MS4A4E: variants seen among roughly 807,000 people sequenced by gnomAD.
MS4A4E encodes the protein putative membrane-spanning 4-domains subfamily A member 4E.
In MS4A4E, 23 loss-of-function variants were observed where a neutral mutation model predicts 13.3. That is an observed-to-expected ratio of 1.73 (90% confidence interval 1.25 to 2.45). The LOEUF (loss-of-function observed/expected upper bound fraction) is 2.45. MS4A4E is among the 30% of genes most tolerant of loss of function. MS4A4E has a pLI of 0.00. For synonymous variants in MS4A4E, 36 were observed against 45.6 expected, an observed-to-expected ratio of 0.79 and a Z score of 0.85; for missense variants, 144 against 131.2, an observed-to-expected ratio of 1.10 and a Z score of -0.48.
chr11:60,219,148 A>C lies in MS4A4E; in HGVS notation c.179-4534T>G, dbSNP rs191192233. ...CATCCCAGCTGGGAGGGTTCAGAAGATATACCCTTGACCAGTACTTTGTGA... is the reference window on the plus strand; with the variant it reads ...CATCCCAGCTGGGAGGGTTCAGAAGCTATACCCTTGACCAGTACTTTGTGA... On this transcript the variant is annotated intron_variant, in intron 3 of 8. Transcript: ENST00000651255. Among the ~76,000 whole-genome samples the C allele has an allele frequency of 3.9e-4, 60 of 152,300 alleles. No homozygotes were observed. The East Asian group carries it at 8.1e-3, about 21-fold the overall frequency.
rs2084568823 is a variant in MS4A4E, at chr11:60,242,939, G to T, written c.-17+19C>A. The T allele has an allele frequency of 3.9e-6, 6 of 1,551,508 alleles. No homozygotes were observed. The Admixed American group carries it at 8.5e-5, about 22-fold the overall frequency. ...AACTATCAGTCCGAGAGCCTAGGAA[G>T]GCAAGTCCCTGGACCTACCTTTCTT... On this transcript the variant is annotated intron_variant, in intron 1 of 8. Transcript: ENST00000651255.
rs1590698425 is a variant in MS4A4E, at chr11:60,200,644, A to T, written c.*899T>A. Among the ~76,000 whole-genome samples, 1 of 152,254 alleles carries T rather than the reference A, an allele frequency of 6.6e-6. No homozygotes were observed. The highest frequency in any genetic ancestry group is 2.1e-4 in the South Asian group (1 of 4,824). ...ATCAACAGGATCCCAAGGCAGAAGA[A>T]TTTTTCTTAGTACAGAACAAAATGA... On this transcript the variant is annotated 3_prime_UTR_variant, in exon 9 of 9. Transcript: ENST00000651255.
intron 4 of MS4A4E, 25 bp from the exon 5 acceptor site, chr11:60,213,157 A>C (rs538116743): frequency 7.1e-6 from 6 of 840,258 alleles, no homozygotes; most frequent in African/African-American, 6.9e-5. Context: ...AAATTAATTA[A>C]GCAATCCAAC....
At chr11:60,235,805 C>T (rs2084476061) in intron 1 of MS4A4E, among the ~76,000 whole-genome samples, 1 of 152,084 alleles carries the variant, frequency 6.6e-6, no homozygotes, top group African/African-American at 2.4e-5. Context: ...TATTTTATCT[C>T]TTTGCTCTAT....
chr11:60,230,928 T>C (rs1034840062), intron 1 of MS4A4E, among the ~76,000 whole-genome samples: 1 of 152,138 alleles, frequency 6.6e-6, no homozygotes, highest in African/African-American at 2.4e-5. Flanking sequence ...CAGTGGAGCA[T>C]ATATGCTAAA....
At chr11:60,225,094 C>G (rs1235421360) in intron 3 of MS4A4E, 1 of 1,528,454 alleles carries the variant, frequency 6.5e-7, no homozygotes, top group Non-Finnish European at 8.8e-7. Context: ...TCCGCACAAC[C>G]TAGAAATGAT....
In MS4A4E at chr11:60,230,138, G is replaced by C; in HGVS notation, c.-16-67C>G. The C allele has an allele frequency of 2.0e-6, 3 of 1,480,242 alleles. No individual in the cohort carries two copies. The South Asian group carries it at 4.4e-5, about 22-fold the overall frequency. The allele number at this position is 1,480,242 out of a possible 1,614,324, so 91.7% of individuals were successfully genotyped here. A position where few individuals can be genotyped will look rare whatever the true frequency, so the allele number is the denominator to read the frequency against. On this transcript the variant is annotated intron_variant, in intron 1 of 8. Coordinates refer to ENST00000651255, the MANE Select transcript of MS4A4E (RefSeq NM_001393391.1). ...ACAAAAGAAAGTCTTGACACTTTGG[G>C]GCAGATTCCTCCCTAAGGACAAAAC... is the stretch of plus-strand genomic sequence containing the variant.
intron 1 of MS4A4E, among the ~76,000 whole-genome samples, chr11:60,240,849 C>A (rs1010978226): frequency 1.3e-5 from 2 of 152,130 alleles, no homozygotes; most frequent in Admixed American, 1.3e-4. Flanking sequence ...TCTCCTACAG[C>A]CCCCATTTCC....
At chr11:60,208,031 C>A (rs1387143104) in intron 6 of MS4A4E, among the ~76,000 whole-genome samples, 2 of 152,112 alleles carry the variant, frequency 1.3e-5, no homozygotes, top group African/African-American at 4.8e-5. Flanking sequence ...AGAGGTTATG[C>A]CCTTTGAGAA....
chr11:60,230,985 G>GA (rs1020415608), intron 1 of MS4A4E, among the ~76,000 whole-genome samples: 20 of 150,700 alleles, frequency 1.3e-4, no homozygotes, highest in Non-Finnish European at 3.0e-5. Context: ...TAACATAAAT[G>GA]AAAAAAAAAG....
intron 3 of MS4A4E, among the ~76,000 whole-genome samples, chr11:60,218,779 G>T (rs564456115): frequency 8.5e-5 from 13 of 152,320 alleles, no homozygotes; most frequent in South Asian, 4.1e-4. Context: ...TGCTACACTT[G>T]AAAAGAACTG....
At chr11:60,236,479 C>T (rs2084484195) in intron 1 of MS4A4E, among the ~76,000 whole-genome samples, 1 of 151,614 alleles carries the variant, frequency 6.6e-6, no homozygotes, top group African/African-American at 2.4e-5. Context: ...TTTCTTTTAA[C>T]ATTTTGTAGT....
chr11:60,205,445 A>C (rs1273145215), intron 7 of MS4A4E, among the ~76,000 whole-genome samples: 1 of 152,218 alleles, frequency 6.6e-6, no homozygotes, highest in African/African-American at 2.4e-5. Context: ...AAATATAAAT[A>C]ATATGTATAT....
At chr11:60,223,364 T>C (rs1441517814) in intron 3 of MS4A4E, among the ~76,000 whole-genome samples, 1 of 152,226 alleles carries the variant, frequency 6.6e-6, no homozygotes, top group East Asian at 1.9e-4. Context: ...AGGGGATTGG[T>C]GCATTTTGGG....
intron 3 of MS4A4E, among the ~76,000 whole-genome samples, chr11:60,219,300 G>A (rs1164964192): frequency 1.3e-5 from 2 of 152,136 alleles, no homozygotes; most frequent in Non-Finnish European, 2.9e-5. Context: ...AAAAATAATT[G>A]GATCTAGAGA....
intron 1 of MS4A4E, among the ~76,000 whole-genome samples, chr11:60,236,339 G>T (rs1233308507): frequency 6.6e-6 from 1 of 152,098 alleles, no homozygotes; most frequent in South Asian, 2.1e-4. Context: ...CTGAAATAAG[G>T]TTGCTTGAAT....
chr11:60,217,564 C>A (rs893252293), intron 3 of MS4A4E, among the ~76,000 whole-genome samples: 4 of 152,132 alleles, frequency 2.6e-5, no homozygotes, highest in African/African-American at 9.7e-5. Context: ...AAGTCAGGGA[C>A]CCCAAACGGA....
chr11:60,200,621 C>T lies in MS4A4E; in HGVS notation c.*922G>A, dbSNP rs1443937714. On this transcript the variant is annotated 3_prime_UTR_variant, in exon 9 of 9. Coordinates refer to ENST00000651255, the MANE Select transcript of MS4A4E (RefSeq NM_001393391.1). ...CAGGGTTGGGGGTAAGGTCACAGAT[C>T]AACAGGATCCCAAGGCAGAAGAATT... Among the ~76,000 whole-genome samples the T allele has an allele frequency of 4.6e-5, 7 of 152,248 alleles. No individual in the cohort carries two copies. Among genetic ancestry groups the T allele is most frequent in the Admixed American group, 6.5e-5 (1 of 15,304 alleles).
intron 1 of MS4A4E, among the ~76,000 whole-genome samples, chr11:60,232,429 C>G (rs1459214863): frequency 6.6e-6 from 1 of 152,136 alleles, no homozygotes. Context: ...CCCAGAATGG[C>G]TGCAGGAAGA....
Sources: gnomAD v4.1 joint callset for allele counts (sites outside exome capture counted in the v4.1 genomes callset) on GRCh38, gnomAD v4.1.1 for gene constraint, MANE v1.5 for transcripts, NCBI Gene and HGNC (gene_info 2026-07-23, HGNC 2026-07-21) for gene names.